The following BTBD9 variants were observed in gnomAD, a reference collection of about 807,000 sequenced individuals.
The protein encoded by BTBD9 is BTB domain containing 9.
Under a neutral mutation model 64.3 loss-of-function variants are expected in BTBD9, and 49 were observed. The observed-to-expected ratio is 0.76, with a 90% CI of 0.61 to 0.97. The LOEUF (loss-of-function observed/expected upper bound fraction) is 0.97. Among genes scored for constraint, BTBD9 ranks in the 50% least tolerant of loss-of-function variants. The pLI is 0.00. For missense variants in BTBD9, 598 were observed against 762.1 expected, an observed-to-expected ratio of 0.78 and a Z score of 2.53; for synonymous variants, 260 against 274.7, an observed-to-expected ratio of 0.95 and a Z score of 0.53.
intron 9 of BTBD9, among the ~76,000 whole-genome samples, chr6:38,252,302 A>G (rs1764429115): frequency 6.6e-6 from 1 of 152,262 alleles, no homozygotes; most frequent in Admixed American, 6.5e-5. Context: ...AATAAAGAGC[A>G]GACTACAATT....
intron 7 of BTBD9, among the ~76,000 whole-genome samples, chr6:38,309,729 A>T (rs1198697719): frequency 6.6e-6 from 1 of 151,716 alleles, no homozygotes; most frequent in Non-Finnish European, 1.5e-5. Flanking sequence ...AATTTTTTTT[A>T]ACGATCCTTT....
At chr6:38,513,131 T>C (rs561332794) in intron 6 of BTBD9, among the ~76,000 whole-genome samples, 24 of 152,244 alleles carry the variant, frequency 1.6e-4, no homozygotes, top group African/African-American at 5.8e-4. Context: ...GAATTTTTCT[T>C]ATAAGGTTCA....
At chr6:38,327,900 C>T (rs1190063093) in intron 7 of BTBD9, among the ~76,000 whole-genome samples, 2 of 152,168 alleles carry the variant, frequency 1.3e-5, no homozygotes, top group Admixed American at 6.5e-5. Context: ...AGAAATTACC[C>T]TGTCTCACCC....
At chr6:38,375,320 C>T (rs1274833410) in intron 6 of BTBD9, among the ~76,000 whole-genome samples, 2 of 151,954 alleles carry the variant, frequency 1.3e-5, no homozygotes, top group Non-Finnish European at 2.9e-5. Flanking sequence ...TTCTTCTGTC[C>T]CTGCCCCCAG....
chr6:38,590,884 C>T (rs748632348), intron 4 of BTBD9, among the ~76,000 whole-genome samples: 5 of 152,154 alleles, frequency 3.3e-5, no homozygotes, highest in African/African-American at 4.8e-5. Context: ...TTAATCCCCA[C>T]ATTTATATCC....
chr6:38,229,059 A>T (rs1253975558), intron 9 of BTBD9, among the ~76,000 whole-genome samples: 2 of 150,416 alleles, frequency 1.3e-5, no homozygotes, highest in African/African-American at 4.9e-5. Context: ...TTATCTGGGC[A>T]TGATGATGGG....
chr6:38,412,627 G>A (rs542180440), intron 6 of BTBD9, among the ~76,000 whole-genome samples: 99 of 151,894 alleles, frequency 6.5e-4, no homozygotes, highest in African/African-American at 2.2e-3. Context: ...GGGAGGCTAA[G>A]GTAGGCAGAT....
At chr6:38,407,260 A>C (rs921428587) in intron 6 of BTBD9, among the ~76,000 whole-genome samples, 2 of 152,232 alleles carry the variant, frequency 1.3e-5, no homozygotes, top group African/African-American at 2.4e-5. Flanking sequence ...GAGATTAAGC[A>C]ATGAGTTGTT....
intron 6 of BTBD9, among the ~76,000 whole-genome samples, chr6:38,500,237 G>C (rs545217708): frequency 5.3e-5 from 8 of 151,856 alleles, no homozygotes; most frequent in South Asian, 2.1e-4. Context: ...GGGGATGGAG[G>C]GGGGAGGAAA....
intron 9 of BTBD9, among the ~76,000 whole-genome samples, chr6:38,239,547 C>T (rs1049885749): frequency 1.3e-5 from 2 of 151,664 alleles, no homozygotes; most frequent in Admixed American, 1.3e-4. Context: ...CTTCAGGATA[C>T]CAAACCCTTG....
At chr6:38,406,456 T>C (rs1381006466) in intron 6 of BTBD9, among the ~76,000 whole-genome samples, 1 of 152,184 alleles carries the variant, frequency 6.6e-6, no homozygotes, top group Non-Finnish European at 1.5e-5. Context: ...CTTGTCAGAA[T>C]TGGTACTTGG....
intron 6 of BTBD9, among the ~76,000 whole-genome samples, chr6:38,378,951 A>G (rs528025594): frequency 6.6e-6 from 1 of 152,238 alleles, no homozygotes; most frequent in Non-Finnish European, 1.5e-5. Context: ...AGTAAGACTT[A>G]GAGCTGGTGT....
chr6:38,344,134 G>A (rs1375001360), intron 7 of BTBD9, among the ~76,000 whole-genome samples: 1 of 152,170 alleles, frequency 6.6e-6, no homozygotes, highest in African/African-American at 2.4e-5. Context: ...TAAAGGGACA[G>A]AATCAAGGAG....
At chr6:38,397,840 G>T (rs1324348710) in intron 6 of BTBD9, among the ~76,000 whole-genome samples, 1 of 152,222 alleles carries the variant, frequency 6.6e-6, no homozygotes, top group Admixed American at 6.5e-5. Flanking sequence ...AAATGAGATG[G>T]GAGTAAGGAA....
At position 38,304,561 on chromosome 6, in the gene BTBD9, A is replaced by C. The variant is rs866472773; in HGVS notation, c.1265-16100T>G. On this transcript the variant is annotated intron_variant, in intron 7 of 10. Coordinates refer to ENST00000481247, the MANE Select transcript of BTBD9 (RefSeq NM_001099272.2). ...GCTCCGTCTCAAAAAACAAACAAAAAAAAAAAAAAAACCAACATCAAAAGA... is the reference window on the plus strand; with the variant it reads ...GCTCCGTCTCAAAAAACAAACAAAACAAAAAAAAAAACCAACATCAAAAGA... 6.1e-3 allele frequency among the ~76,000 whole-genome samples: 916 copies of C among 150,742 alleles called. 8 individuals carry two copies. The highest frequency in any genetic ancestry group is 0.019 in the African/African-American group (768 of 41,152).
At chr6:38,552,060 C>A (rs1029781010) in intron 6 of BTBD9, among the ~76,000 whole-genome samples, 1 of 152,156 alleles carries the variant, frequency 6.6e-6, no homozygotes, top group African/African-American at 2.4e-5. Flanking sequence ...AAATCACAAG[C>A]TGAATGAAAA....
chr6:38,171,300 CTTT>C lies in BTBD9; in HGVS notation c.*3682_*3684del, dbSNP rs1205580032. On this transcript the variant is annotated 3_prime_UTR_variant, in exon 11 of 11. Coordinates refer to ENST00000481247, the MANE Select transcript of BTBD9 (RefSeq NM_001099272.2). The stretch of plus-strand genomic sequence containing the variant: ...GGCAATTTTTTGCACAATTCAAAAG[CTTT>C]TTTTCTCTTTTTTGCCAAGGAATCA... The C allele has an allele frequency of 6.6e-6, 1 of 152,146 alleles. No individual in the cohort carries two copies. Among genetic ancestry groups the C allele is most frequent in the East Asian group, 1.9e-4 (1 of 5,196 alleles). The allele number at this position is 152,146 out of a possible 1,614,324, so 9.4% of individuals were successfully genotyped here.
At chr6:38,194,866 G>A (rs1762222804) in intron 9 of BTBD9, among the ~76,000 whole-genome samples, 1 of 152,246 alleles carries the variant, frequency 6.6e-6, no homozygotes. Context: ...GAGAGGCAGG[G>A]GAGGCAGGGC....
intron 4 of BTBD9, among the ~76,000 whole-genome samples, chr6:38,587,011 C>T (rs1196761917): frequency 6.6e-6 from 1 of 150,902 alleles, no homozygotes; most frequent in African/African-American, 2.4e-5. Context: ...TGCAGTGAGC[C>T]GAGATTGTGT....
Sources: gnomAD v4.1 joint callset for allele counts (sites outside exome capture counted in the v4.1 genomes callset) on GRCh38, gnomAD v4.1.1 for gene constraint, MANE v1.5 for transcripts, NCBI Gene and HGNC (gene_info 2026-07-23, HGNC 2026-07-21) for gene names.